DMD: variants seen among roughly 807,000 people sequenced by gnomAD.
DMD encodes the protein dystrophin.
A neutral mutation model predicts 330.1 loss-of-function variants in DMD; 63 were observed. The ratio of observed to expected loss-of-function variants is 0.19; its 90% confidence interval spans 0.16 to 0.24. DMD has a LOEUF of 0.24. Among genes scored for constraint, DMD ranks in the 10% least tolerant of loss-of-function variants. The probability of loss-of-function intolerance (pLI) is 1.00; values close to 1 mark genes in which losing one functional copy is unlikely to be tolerated. For missense variants in DMD, 3,344 were observed against 2,684.1 expected (o/e 1.25, Z -5.43); for synonymous variants, 1,223 against 959.8 (o/e 1.27, Z -5.07).
At chrX:32,464,092 A>T (rs1054255417) in intron 24 of DMD, among the ~76,000 whole-genome samples, 1 of 112,066 alleles carries the variant, frequency 8.9e-6, no homozygotes, top group Non-Finnish European at 1.9e-5. Context: ...TTCAAAATGC[A>T]TACTGTGTTA....
At chrX:32,414,144 C>G (rs1268761017) in intron 29 of DMD, among the ~76,000 whole-genome samples, 1 of 111,378 alleles carries the variant, frequency 9.0e-6, no homozygotes, top group East Asian at 2.8e-4. Flanking sequence ...CACTGTGGCC[C>G]TCTTGATTCT....
chrX:31,266,159 C>CAAAAAAAAAAAAAAAAAAAAAAA (rs1174153877), intron 62 of DMD, among the ~76,000 whole-genome samples: 9 of 13,331 alleles, frequency 6.8e-4, no homozygotes, highest in Admixed American at 1.9e-3. Flanking sequence ...TCCCGAAGGG[C>CAAAAAAAAAAAAAAAAAAAAAAA]AAAAAAAAAA....
intron 1 of DMD, among the ~76,000 whole-genome samples, chrX:33,205,507 C>T (rs769715834): frequency 8.9e-6 from 1 of 111,871 alleles, no homozygotes; most frequent in South Asian, 3.7e-4. Context: ...CTATTGCAAC[C>T]GTAATCTGAT....
chrX:32,884,973 G>A (rs756418587), intron 2 of DMD, among the ~76,000 whole-genome samples: 5 of 111,882 alleles, frequency 4.5e-5, no homozygotes, highest in Non-Finnish European at 9.4e-5. Context: ...TTATACCCAT[G>A]CCTGAGAAAA....
chrX:31,417,742 C>G lies in DMD; in HGVS notation c.9084+26739G>C, dbSNP rs144850458. Among the ~76,000 whole-genome samples, 696 of 104,965 alleles carry G rather than the reference C, an allele frequency of 6.6e-3. 8 individuals are homozygous for G. Among genetic ancestry groups the G allele is most frequent in the African/African-American group, 0.023 (649 of 28,549 alleles). The allele number at this position is 104,965 out of a possible 115,157, so 91.1% of individuals were successfully genotyped here. Reference sequence around the variant, plus strand: ...CACTATTCTTGTCCAGGCTAGAGTGCAATGGTGGGATCTTGGCTCACTGCA... The same window carrying G: ...CACTATTCTTGTCCAGGCTAGAGTGGAATGGTGGGATCTTGGCTCACTGCA... On this transcript the variant is annotated intron_variant, in intron 60 of 78. Coordinates refer to ENST00000357033, the MANE Select transcript of DMD (RefSeq NM_004006.3).
intron 44 of DMD, among the ~76,000 whole-genome samples, chrX:32,045,335 C>A (rs906680794): frequency 3.2e-5 from 3 of 93,356 alleles, no homozygotes; most frequent in African/African-American, 1.3e-4. Context: ...AGTTCTTGAG[C>A]GATCTGTTTT....
intron 64 of DMD, among the ~76,000 whole-genome samples, chrX:31,219,828 A>T (rs952242162): frequency 1.2e-5 from 1 of 84,386 alleles, no homozygotes; most frequent in Non-Finnish European, 2.3e-5. Flanking sequence ...TCAAGGATCA[A>T]TGTATACACA....
Position 31,658,056 on chromosome X carries a change from T to C in DMD, c.7961A>G (p.Asp2654Gly), listed in dbSNP as rs2080892002. The C allele has an allele frequency of 3.3e-6, 4 of 1,211,263 alleles. No individual in the cohort carries two copies. Among genetic ancestry groups the C allele is most frequent in the Non-Finnish European group, 4.5e-6 (4 of 894,822 alleles). ...ALKLLRDYSA[D>G]DTRKVHMITE... The stretch of plus-strand genomic sequence containing the variant: ...TATCATGTGGACTTTTCTGGTATCA[T>C]CTGCAGAATAATCCCGGAGAAGTTT... Residue 2654 changes from aspartate to glycine, a missense_variant, in exon 54 of 79, where the codon GAT becomes GGT. Transcript: ENST00000357033.
intron 13 of DMD, among the ~76,000 whole-genome samples, chrX:32,592,971 C>A (rs1243204741): frequency 1.8e-5 from 2 of 113,099 alleles, no homozygotes; most frequent in African/African-American, 6.4e-5. Flanking sequence ...TCCGCTGCAG[C>A]TGGCATGCCT....
chrX:32,368,382 G>A (rs765796072), intron 34 of DMD, among the ~76,000 whole-genome samples: 4 of 111,504 alleles, frequency 3.6e-5, no homozygotes, highest in Non-Finnish European at 7.5e-5. Flanking sequence ...GACTACAAGG[G>A]AAAGGTGACA....
chrX:31,121,152 A>C lies in DMD; in HGVS notation c.*767T>G, dbSNP rs904456324. On this transcript the variant is annotated 3_prime_UTR_variant, in exon 79 of 79. Transcript: ENST00000357033. ...TTCTTTCTATTAGGATGTGACATGAACATTTAAAAAATGGAAAAAGTCAGT... is the reference window on the plus strand; with the variant it reads ...TTCTTTCTATTAGGATGTGACATGACCATTTAAAAAATGGAAAAAGTCAGT... The C allele has an allele frequency of 9.0e-6, 1 of 111,476 alleles. No individual in the cohort carries two copies. The highest frequency in any genetic ancestry group is 1.9e-5 in the Non-Finnish European group (1 of 53,045). The allele number at this position is 111,476 out of a possible 1,213,427, so 9.2% of individuals were successfully genotyped here. A position where few individuals can be genotyped will look rare whatever the true frequency, so the allele number is the denominator to read the frequency against.
chrX:33,002,507 G>A (rs2093303163), intron 2 of DMD, among the ~76,000 whole-genome samples: 1 of 110,296 alleles, frequency 9.1e-6, no homozygotes. Context: ...CAACCAATCA[G>A]AGGCTGAAGT....
intron 63 of DMD, among the ~76,000 whole-genome samples, chrX:31,239,829 AGAAG>A (rs750392767): frequency 8.9e-6 from 1 of 111,900 alleles, no homozygotes; most frequent in Admixed American, 9.5e-5. Context: ...ACTGTGTTAT[AGAAG>A]GAAGTCAGGA....
At chrX:31,659,668 A>G (rs1170869373) in intron 53 of DMD, among the ~76,000 whole-genome samples, 1 of 102,344 alleles carries the variant, frequency 9.8e-6, no homozygotes, top group Non-Finnish European at 2.0e-5. Flanking sequence ...AAAAAAAAAA[A>G]GAGAAACAAT....
intron 61 of DMD, among the ~76,000 whole-genome samples, chrX:31,345,512 A>G (rs1427630943): frequency 8.9e-6 from 1 of 111,854 alleles, no homozygotes; most frequent in Non-Finnish European, 1.9e-5. Flanking sequence ...TCAGAGGGGG[A>G]GTCAGGGAGA....
intron 1 of DMD, among the ~76,000 whole-genome samples, chrX:33,072,950 C>T (rs56270824): frequency 0.23 from 25,733 of 110,897 alleles, 2,378 homozygotes; most frequent in African/African-American, 0.32. Flanking sequence ...ACAAATTCAC[C>T]GGCCATTTTC....
rs73617057 is a variant in DMD, at chrX:31,211,015, G to A, written c.9362-1316C>T. Among the ~76,000 whole-genome samples the A allele has an allele frequency of 5.1e-3, 572 of 112,100 alleles. 2 individuals are homozygous for A. Among genetic ancestry groups the A allele is most frequent in the African/African-American group, 0.017 (541 of 30,916 alleles). On this transcript the variant is annotated intron_variant, in intron 64 of 78. Transcript: ENST00000357033. ...CTGCACTCCTCCCTTGGAAGGGAAGGCCCCTCTGTTTTTGCTCTGAAATAC... is the reference window on the plus strand; with the variant it reads ...CTGCACTCCTCCCTTGGAAGGGAAGACCCCTCTGTTTTTGCTCTGAAATAC...
chrX:33,304,004 GAA>G (rs2053712753), intron 1 of DMD, among the ~76,000 whole-genome samples: 1 of 110,844 alleles, frequency 9.0e-6, no homozygotes, highest in African/African-American at 3.3e-5. Flanking sequence ...TGAATCTTCT[GAA>G]GTTATTTATT....
At chrX:32,632,334 G>C (rs1172841130) in intron 11 of DMD, among the ~76,000 whole-genome samples, 1 of 111,834 alleles carries the variant, frequency 8.9e-6, no homozygotes, top group Non-Finnish European at 1.9e-5. Flanking sequence ...CTGCTCTTAT[G>C]GTCTGGTGCT....
Sources: allele counts gnomAD v4.1 joint callset (sites outside exome capture counted in the v4.1 genomes callset), GRCh38; gene constraint gnomAD v4.1.1; transcripts MANE v1.5; gene names NCBI Gene and HGNC (gene_info 2026-07-23, HGNC 2026-07-21).